Variants in RARB observed in about 807,000 individuals in gnomAD.
RARB encodes the protein HBV-activated protein.
A neutral mutation model predicts 51.9 loss-of-function variants in RARB; 17 were observed. The ratio of observed to expected loss-of-function variants is 0.33; its 90% CI spans 0.22 to 0.49. The LOEUF is 0.49. RARB is among the 20% of genes least tolerant of loss of function. The probability of loss-of-function intolerance (pLI) is 0.99; values close to 1 mark genes in which losing one functional copy is unlikely to be tolerated. For synonymous variants in RARB, 215 were observed against 195.4 expected (o/e 1.10, Z -0.84); for missense variants, 369 against 550.8 (o/e 0.67, Z 3.30).
At chr3:24,889,675 A>AGT (rs71057686) in intron 2 of RARB, among the ~76,000 whole-genome samples, 6,554 of 142,876 alleles carry the variant, frequency 0.046, 176 homozygotes, top group Middle Eastern at 0.11. Flanking sequence ...CACCTCTTAA[A>AGT]GTGTGTGTGT....
At chr3:25,057,801 A>C (rs539576919) in intron 2 of RARB, among the ~76,000 whole-genome samples, 1 of 152,182 alleles carries the variant, frequency 6.6e-6, no homozygotes, top group East Asian at 1.9e-4. Context: ...ATTTTAAAAT[A>C]AATTGAATTT....
At chr3:25,450,816 T>G (rs1210901078) in intron 1 of RARB, among the ~76,000 whole-genome samples, 23 of 152,118 alleles carry the variant, frequency 1.5e-4, no homozygotes, top group Non-Finnish European at 2.9e-5. Context: ...CCGGGTGCGG[T>G]GGCTCACGCC....
intron 5 of RARB, among the ~76,000 whole-genome samples, chr3:25,373,432 C>T (rs1384106939): frequency 1.3e-5 from 2 of 152,100 alleles, no homozygotes; most frequent in African/African-American, 4.8e-5. Context: ...TGAGAATGCA[C>T]GTGCAGACCC....
intron 5 of RARB, among the ~76,000 whole-genome samples, chr3:25,179,232 G>A (rs2125356220): frequency 6.6e-6 from 1 of 152,288 alleles, no homozygotes; most frequent in South Asian, 2.1e-4. Context: ...CTTGTCTAAA[G>A]CAGGGTGTGC....
intron 5 of RARB, among the ~76,000 whole-genome samples, chr3:25,295,712 A>G (rs751499883): frequency 6.6e-5 from 10 of 152,192 alleles, no homozygotes; most frequent in Non-Finnish European, 1.5e-4. Flanking sequence ...GCCCACTTTT[A>G]TTGCTGTGAT....
chr3:25,332,581 C>A (rs1575319203), intron 5 of RARB, among the ~76,000 whole-genome samples: 1 of 152,230 alleles, frequency 6.6e-6, no homozygotes, highest in Non-Finnish European at 1.5e-5. Flanking sequence ...ACTGAATGGA[C>A]AAAAACTGGA....
At chr3:25,218,071 T>C (rs959202981) in intron 5 of RARB, among the ~76,000 whole-genome samples, 1 of 152,176 alleles carries the variant, frequency 6.6e-6, no homozygotes, top group Non-Finnish European at 1.5e-5. Flanking sequence ...TTCCCTTTGT[T>C]TTCTGAATAA....
At chr3:24,973,988 T>C (rs1465041290) in intron 2 of RARB, among the ~76,000 whole-genome samples, 2 of 152,136 alleles carry the variant, frequency 1.3e-5, no homozygotes, top group African/African-American at 4.8e-5. Flanking sequence ...CAGTACTGTG[T>C]TGAATAAAAG....
At chr3:25,326,852 AT>A (rs1704731172) in intron 5 of RARB, among the ~76,000 whole-genome samples, 5 of 151,842 alleles carry the variant, frequency 3.3e-5, no homozygotes, top group African/African-American at 1.2e-4. Flanking sequence ...TTTTATTATT[AT>A]TATACTTTAA....
intron 5 of RARB, among the ~76,000 whole-genome samples, chr3:25,285,668 T>G (rs911077675): frequency 1.3e-5 from 2 of 152,016 alleles, no homozygotes; most frequent in African/African-American, 4.8e-5. Context: ...TCAGGTGAAA[T>G]AGACAGACTG....
chr3:24,955,710 C>A (rs559507410), intron 2 of RARB, among the ~76,000 whole-genome samples: 1 of 152,040 alleles, frequency 6.6e-6, no homozygotes, highest in South Asian at 2.1e-4. Flanking sequence ...TGGAAGGGAG[C>A]TGGGGATGTT....
chr3:25,352,432 C>G (rs1705602742), intron 5 of RARB: 1 of 152,102 alleles, frequency 6.6e-6, no homozygotes, highest in South Asian at 2.1e-4. Flanking sequence ...AGCCTTGAGG[C>G]CTCTGATAAT....
chr3:25,225,750 C>G (rs917632447), intron 5 of RARB, among the ~76,000 whole-genome samples: 1 of 152,082 alleles, frequency 6.6e-6, no homozygotes, highest in South Asian at 2.1e-4. Context: ...TGGAGATAAC[C>G]AACACCAATA....
At chr3:25,408,510 G>A (rs1365264142) in intron 5 of RARB, among the ~76,000 whole-genome samples, 1 of 152,018 alleles carries the variant, frequency 6.6e-6, no homozygotes, top group Admixed American at 6.5e-5. Context: ...CTCCTACCAG[G>A]CCCCTCCTCT....
At chr3:25,331,794 G>GA (rs1459960529) in intron 5 of RARB, among the ~76,000 whole-genome samples, 2 of 151,890 alleles carry the variant, frequency 1.3e-5, no homozygotes, top group East Asian at 3.9e-4. Flanking sequence ...TAATAAAGAA[G>GA]AAAAGAGAGA....
chr3:25,447,018 GAA>G (rs11311604), intron 1 of RARB, among the ~76,000 whole-genome samples: 1 of 146,790 alleles, frequency 6.8e-6, no homozygotes, highest in African/African-American at 2.5e-5. Context: ...TTTAAAAAAA[GAA>G]AAAAAAAAAC....
chr3:24,886,852 C>T (rs1703277443), intron 2 of RARB, among the ~76,000 whole-genome samples: 1 of 151,926 alleles, frequency 6.6e-6, no homozygotes, highest in African/African-American at 2.4e-5. Context: ...TTTTAGGTTG[C>T]TTTCCTATAT....
chr3:25,338,527 C>T (rs913525378), intron 5 of RARB, among the ~76,000 whole-genome samples: 1 of 152,240 alleles, frequency 6.6e-6, no homozygotes. Flanking sequence ...ATCATTTACA[C>T]TCTCTAGTTA....
intron 3 of RARB, among the ~76,000 whole-genome samples, chr3:25,079,224 A>G (rs1698940430): frequency 6.6e-6 from 1 of 152,162 alleles, no homozygotes; most frequent in East Asian, 1.9e-4. Flanking sequence ...TTGCATATTA[A>G]TTGTATCCTT....
Sources: gnomAD v4.1 joint callset for allele counts (sites outside exome capture counted in the v4.1 genomes callset) on GRCh38, gnomAD v4.1.1 for gene constraint, MANE v1.5 for transcripts, NCBI Gene and HGNC (gene_info 2026-07-23, HGNC 2026-07-21) for gene names.